Variants in GUF1 observed in about 807,000 individuals in gnomAD.
GUF1 encodes the protein GTP binding elongation factor GUF1.
In GUF1, 78 loss-of-function variants were observed where a neutral mutation model predicts 82.4. The ratio of observed to expected loss-of-function variants is 0.95; its 90% CI spans 0.79 to 1.14. The LOEUF is 1.14. GUF1 is among the 50% of genes most tolerant of loss of function. GUF1 has a pLI of 0.00. For synonymous variants in GUF1, 279 were observed against 282.3 expected (o/e 0.99, Z 0.12); for missense variants, 814 against 798.2 (o/e 1.02, Z -0.24).
intron 16 of GUF1, among the ~76,000 whole-genome samples, chr4:44,698,068 C>T (rs1379884782): frequency 6.6e-6 from 1 of 152,110 alleles, no homozygotes; most frequent in African/African-American, 2.4e-5. Flanking sequence ...ATTGCTTGAG[C>T]TCAGGAGGCG....
At chr4:44,691,002 TACAC>T in intron 12 of GUF1, 142 bp downstream of exon 12, 7 of 437,294 alleles carry the variant, frequency 1.6e-5, no homozygotes, top group African/African-American at 2.0e-5. Flanking sequence ...TCTATATCTA[TACAC>T]ATAGATATGT....
chr4:44,699,239 G>T lies in GUF1; in HGVS notation c.*558G>T, dbSNP rs13125773. 24,587 of 152,370 alleles carry T rather than the reference G, an allele frequency of 0.16. 2,518 individuals are homozygous for T. Among genetic ancestry groups the T allele is most frequent in the South Asian group, 0.31 (1,515 of 4,826 alleles). The allele number at this position is 152,370 out of a possible 1,614,324, so 9.4% of individuals were successfully genotyped here. A position where few individuals can be genotyped will look rare whatever the true frequency, so the allele number is the denominator to read the frequency against. ...AGACAGAGTCTTGCCCTGTCGCCCA[G>T]GCTGGAGTGCAATGGCACAATCTCG... On this transcript the variant is annotated 3_prime_UTR_variant, in exon 17 of 17. Transcript: ENST00000281543.
Position 44,690,763 on chromosome 4 carries a change from C to T in GUF1, c.1382C>T (p.Pro461Leu), listed in dbSNP as rs763385716. The T allele has an allele frequency of 2.5e-6, 4 of 1,595,726 alleles. No individual in the cohort carries two copies. In the South Asian group the frequency reaches 4.4e-5, roughly 18 times the overall value. The change falls in exon 12 of 17, where the codon CCC (proline) becomes CTC (leucine). Residue 461 changes from proline (P) to leucine (L), a missense_variant. Coordinates refer to ENST00000281543, the MANE Select transcript of GUF1 (RefSeq NM_021927.3). ...ACAATTATCAATCCTGCACAATTCC[C>T]CGATAAATCAAAAGTAACAGAATAT... ...EITIINPAQF[P>L]DKSKVTEYLE...
At position 44,685,980 on chromosome 4, in the gene GUF1, A is replaced by G. The variant is rs781652262; in HGVS notation, c.691A>G (p.Asn231Asp). The change falls in exon 7 of 17, where the codon AAT (asparagine) becomes GAT (aspartate). Residue 231 changes from asparagine to aspartate, a missense_variant. By Grantham distance (23) the Asn-to-Asp change is conservative. Coordinates refer to ENST00000281543, the MANE Select transcript of GUF1 (RefSeq NM_021927.3). ...TTAGATTTCTGCTAAACTTGGAACA[A>G]ATGTTGAGAGTGTTCTTCAGGCAAT... ...CIKISAKLGTNVESVLQAIIE... is the reference protein window; with the variant it reads ...CIKISAKLGTDVESVLQAIIE... 1.7e-5 allele frequency: 27 copies of G among 1,606,470 alleles called. No homozygotes were observed. Among genetic ancestry groups the G allele is most frequent in the Non-Finnish European group, 2.0e-5 (24 of 1,174,400 alleles).
rs1305113205 is a variant in GUF1 at position 44,680,508 on chromosome 4, A to G, written c.233A>G (p.Asp78Gly). ...AATTTCAGTATTGTTGCACACGTGG[A>G]TCATGGCAAAAGTACTTTAGCTGAC... ...IRNFSIVAHV[D>G]HGKSTLADRL... The change falls in exon 2 of 17, where the codon GAT (aspartate) becomes GGT (glycine). Residue 78 changes from aspartate to glycine, a missense_variant. Asp to Gly is a moderately conservative substitution (Grantham distance 94). Coordinates refer to ENST00000281543, the MANE Select transcript of GUF1 (RefSeq NM_021927.3). The G allele has an allele frequency of 1.2e-6, 2 of 1,610,368 alleles. No individual in the cohort carries two copies. The highest frequency in any genetic ancestry group is 1.7e-5 in the Admixed American group (1 of 59,754).
rs900370651 is a variant in GUF1, at chr4:44,698,679, T to C, written c.2008T>C (p.Ter670GlnextTer22). The C allele has an allele frequency of 1.3e-6, 2 of 1,586,628 alleles. No homozygotes were observed. Among genetic ancestry groups the C allele is most frequent in the African/African-American group, 1.4e-5 (1 of 72,840 alleles). The change falls in exon 17 of 17, where the codon TAA (stop) becomes CAA (glutamine). Residue 670 changes from the stop codon to glutamine (Q), a stop_lost. Transcript: ENST00000281543. ...IKVLKTQSSK* is the reference protein window; with the variant it reads ...IKVLKTQSSKQ Reference sequence around the variant, plus strand: ...AGTTCTGAAAACACAATCTTCTAAATAATTGGTGGGAAAACAAAGAATTTT... The same window carrying C: ...AGTTCTGAAAACACAATCTTCTAAACAATTGGTGGGAAAACAAAGAATTTT...
chr4:44,695,772 A>G, intron 15 of GUF1, 38 bp downstream of exon 15: 1 of 1,595,544 alleles, frequency 6.3e-7, no homozygotes. Context: ...AGCCAGTTTC[A>G]GAAATGATAT....
chr4:44,682,351 T>G lies in GUF1; in HGVS notation c.525T>G (p.Thr175=). Residue 175 remains threonine (T), a synonymous_variant, in exon 5 of 17, where the codon ACT becomes ACG. Coordinates refer to ENST00000281543, the MANE Select transcript of GUF1 (RefSeq NM_021927.3). ...ATTTTCAGGGAATTCAAGCCCAAAC[T>G]GTAGCAAACTTCTTTCTTGCCTTCG... The part of the protein sequence containing the change: ...VDANEGIQAQ[T]VANFFLAFEA... The G allele has an allele frequency of 6.5e-7, 1 of 1,539,624 alleles. No individual in the cohort carries two copies. Among genetic ancestry groups the G allele is most frequent in the South Asian group, 1.3e-5 (1 of 79,064 alleles).
Position 44,689,379 on chromosome 4 carries a change from ATAGTAGCC to A in GUF1, c.1174_1181del (p.Ser392CysfsTer28). ...GATTCCAGTGTGACCGTTCATCGGG[ATAGTAGCC>A]TTGCTCTGGGTGCTGGCTGGAGGTA... On this transcript the variant is annotated frameshift_variant, in exon 10 of 17. Coordinates refer to ENST00000281543, the MANE Select transcript of GUF1 (RefSeq NM_021927.3). LOFTEE classifies it high-confidence loss of function. 6.2e-7 allele frequency: 1 copy of A among 1,608,262 alleles called. No individual in the cohort carries two copies. The highest frequency in any genetic ancestry group is 8.5e-7 in the Non-Finnish European group (1 of 1,176,510).
chr4:44,698,814 A>G lies in GUF1; in HGVS notation c.*133A>G. The G allele has an allele frequency of 1.4e-6, 1 of 734,248 alleles. No individual in the cohort carries two copies. 45.5% of individuals were successfully genotyped at this position (734,248 alleles called of 1,614,324 possible). ...TACTAGTCTTTCGTTGAAAGGGAGT[A>G]GTTAGTGGGTAGGCAAGAGCTTAGA... is the stretch of plus-strand genomic sequence containing the variant. On this transcript the variant is annotated 3_prime_UTR_variant, in exon 17 of 17. Transcript: ENST00000281543.
In GUF1 at chr4:44,695,626, A is replaced by G; in HGVS notation, c.1727A>G (p.His576Arg). The G allele has an allele frequency of 6.2e-7, 1 of 1,609,498 alleles. No homozygotes were observed. Among genetic ancestry groups the G allele is most frequent in the Non-Finnish European group, 8.5e-7 (1 of 1,177,746 alleles). Residue 576 changes from histidine (H) to arginine (R), a missense_variant, in exon 15 of 17, where the codon CAT becomes CGT. Physicochemically the swap from His to Arg is conservative, Grantham distance 29. Coordinates refer to ENST00000281543, the MANE Select transcript of GUF1 (RefSeq NM_021927.3). ...TTTTTCTGTCTCAGAGACAAAGCTC[A>G]TTCAATTGGCAAAGCCATATGTGAA... ...LVTVVHKDKAHSIGKAICERL... is the reference protein window; with the variant it reads ...LVTVVHKDKARSIGKAICERL...
intron 8 of GUF1, among the ~76,000 whole-genome samples, chr4:44,687,027 A>G (rs1715099291): frequency 6.6e-6 from 1 of 151,940 alleles, no homozygotes; most frequent in South Asian, 2.1e-4. Flanking sequence ...ATTAGGTATC[A>G]TTTTTGACAT....
intron 9 of GUF1, among the ~76,000 whole-genome samples, chr4:44,689,083 A>T (rs1322579544): frequency 6.6e-6 from 1 of 151,502 alleles, no homozygotes; most frequent in Non-Finnish European, 1.5e-5. Flanking sequence ...CTAGTTGTAT[A>T]TTCTTTCAGA....
chr4:44,688,979 CTG>C (rs1715241200), intron 9 of GUF1, among the ~76,000 whole-genome samples: 2 of 150,536 alleles, frequency 1.3e-5, no homozygotes, highest in African/African-American at 4.9e-5. Flanking sequence ...TGAAATTACA[CTG>C]TGTTTTCTTA....
rs1366168157 is a variant in GUF1, at chr4:44,699,332, A to C, written c.*651A>C. 6.6e-6 allele frequency: 1 copy of C among 152,238 alleles called. No homozygotes were observed. The highest frequency in any genetic ancestry group is 1.5e-5 in the Non-Finnish European group (1 of 68,174). The allele number at this position is 152,238 out of a possible 1,614,324, so 9.4% of individuals were successfully genotyped here. A position where few individuals can be genotyped will look rare whatever the true frequency, so the allele number is the denominator to read the frequency against. ...GCCTCAGCCTCCATTACAGGCGTGC[A>C]CCACCATGCTCGGCTAATTTTTTGT... On this transcript the variant is annotated 3_prime_UTR_variant, in exon 17 of 17. Coordinates refer to ENST00000281543, the MANE Select transcript of GUF1 (RefSeq NM_021927.3).
intron 1 of GUF1, 21 bp downstream of exon 1, chr4:44,678,808 G>A: frequency 1.3e-6 from 2 of 1,542,866 alleles, no homozygotes; most frequent in East Asian, 2.6e-5. Context: ...CCTGGAATCT[G>A]ATTTAGCCAA....
rs916656211 is a variant in GUF1 at position 44,699,674 on chromosome 4, C to G, written c.*993C>G. 2.6e-5 allele frequency: 4 copies of G among 152,180 alleles called. No homozygotes were observed. The highest frequency in any genetic ancestry group is 4.4e-5 in the Non-Finnish European group (3 of 68,024). 9.4% of individuals were successfully genotyped at this position (152,180 alleles called of 1,614,324 possible). A position where few individuals can be genotyped will look rare whatever the true frequency, so the allele number is the denominator to read the frequency against. On this transcript the variant is annotated 3_prime_UTR_variant, in exon 17 of 17. Transcript: ENST00000281543. The stretch of plus-strand genomic sequence containing the variant: ...AGCAGGATTAATTGATATGAATTCA[C>G]TTATTAAACAGTAAACTCAAATAAC...
intron 10 of GUF1, 111 bp from the exon 11 acceptor site, chr4:44,689,732 T>G: frequency 2.3e-6 from 2 of 867,256 alleles, no homozygotes; most frequent in Non-Finnish European, 3.4e-6. Flanking sequence ...GTGAATTGTT[T>G]GAATGACTTA....
At chr4:44,694,186 T>G (rs1006402856) in intron 13 of GUF1, 1 of 430,030 alleles carries the variant, frequency 2.3e-6, no homozygotes, top group Non-Finnish European at 4.1e-6. Flanking sequence ...TATTTTCCTT[T>G]CCCCTATAAA....
Sources: allele counts gnomAD v4.1 joint callset (sites outside exome capture counted in the v4.1 genomes callset), GRCh38; gene constraint gnomAD v4.1.1; transcripts MANE v1.5; gene names NCBI Gene and HGNC (gene_info 2026-07-23, HGNC 2026-07-21).